The following LARS2 variants were observed in gnomAD, a reference collection of about 807,000 sequenced individuals.
The protein encoded by LARS2 is leucyl-tRNA synthetase 2, mitochondrial, also known as leucine--tRNA ligase, mitochondrial.
Under a neutral mutation model 116.6 loss-of-function variants are expected in LARS2, and 81 were observed. The ratio of observed to expected loss-of-function variants is 0.69; its 90% CI spans 0.58 to 0.84. The LOEUF is 0.84. Among genes scored for constraint, LARS2 ranks in the 40% least tolerant of loss-of-function variants. LARS2 has a pLI of 0.00. For synonymous variants in LARS2, 396 were observed against 407.2 expected, an observed-to-expected ratio of 0.97 and a Z score of 0.33; for missense variants, 968 against 1,114.5, an observed-to-expected ratio of 0.87 and a Z score of 1.87.
At chr3:45,466,741 G>A (rs1053140684) in intron 8 of LARS2, among the ~76,000 whole-genome samples, 3 of 152,024 alleles carry the variant, frequency 2.0e-5, no homozygotes, top group African/African-American at 7.2e-5. Flanking sequence ...ATTTGAGACC[G>A]AATCTCACTC....
chr3:45,396,412 G>A (rs1221910693), intron 3 of LARS2, among the ~76,000 whole-genome samples: 1 of 152,166 alleles, frequency 6.6e-6, no homozygotes, highest in Non-Finnish European at 1.5e-5. Context: ...AATCAAATGA[G>A]AAAATGTGTG....
At chr3:45,425,061 C>T (rs1281119249) in intron 6 of LARS2, among the ~76,000 whole-genome samples, 1 of 152,020 alleles carries the variant, frequency 6.6e-6, no homozygotes, top group Non-Finnish European at 1.5e-5. Context: ...CATTCAGTTC[C>T]CATTTTTTTT....
At chr3:45,511,951 AT>A (rs1233786553) in intron 15 of LARS2, among the ~76,000 whole-genome samples, 1 of 151,564 alleles carries the variant, frequency 6.6e-6, no homozygotes, top group Non-Finnish European at 1.5e-5. Context: ...AACTTTTTGT[AT>A]TTTAGTAGAG....
chr3:45,524,105 G>A lies in LARS2; in HGVS notation c.2401G>A (p.Ala801Thr). 1 of 1,601,172 alleles carries A rather than the reference G, an allele frequency of 6.2e-7. No homozygotes were observed. Among genetic ancestry groups the A allele is most frequent in the Non-Finnish European group, 8.6e-7 (1 of 1,168,166 alleles). ...LAPHVTSEIW[A>T]GLALVPRKLC... ...CCCTCATGTAACCTCAGAGATCTGGGCAGGTACGTGGCAGAGTCCTTTTTT... is the reference window on the plus strand; with the variant it reads ...CCCTCATGTAACCTCAGAGATCTGGACAGGTACGTGGCAGAGTCCTTTTTT... The change falls in exon 20 of 22, where the codon GCA becomes ACA. Residue 801 changes from alanine (A) to threonine (T), a missense_variant. Ala to Thr is a moderately conservative substitution (Grantham distance 58). Coordinates refer to ENST00000645846, the MANE Select transcript of LARS2 (RefSeq NM_015340.4).
rs114332803 is a variant in LARS2 at position 45,520,502 on chromosome 3, C to T, written c.2292+206C>T. 0.013 allele frequency among the ~76,000 whole-genome samples: 2,045 copies of T among 152,244 alleles called. 30 individuals are homozygous for T. The highest frequency in any genetic ancestry group is 0.047 in the African/African-American group (1,945 of 41,532). On this transcript the variant is annotated intron_variant, in intron 19 of 21. Coordinates refer to ENST00000645846, the MANE Select transcript of LARS2 (RefSeq NM_015340.4). ...TTAAAGATTTTCTGGTCCAAACCCC[C>T]TTCTCCCCCAATATTTTACAGATGA...
At chr3:45,522,104 CA>C (rs1255792074) in intron 19 of LARS2, among the ~76,000 whole-genome samples, 14 of 151,720 alleles carry the variant, frequency 9.2e-5, no homozygotes, top group Non-Finnish European at 1.5e-4. Flanking sequence ...GACTCTCTCT[CA>C]AAAAAATAAA....
intron 19 of LARS2, among the ~76,000 whole-genome samples, chr3:45,520,928 C>T (rs1398760420): frequency 1.3e-5 from 2 of 152,200 alleles, no homozygotes; most frequent in African/African-American, 4.8e-5. Context: ...TGGCTCATGC[C>T]TGTAATCTCA....
intron 12 of LARS2, among the ~76,000 whole-genome samples, chr3:45,489,071 T>C (rs533294563): frequency 3.0e-4 from 45 of 152,334 alleles, no homozygotes; most frequent in African/African-American, 1.1e-3. Flanking sequence ...AAAAATTATC[T>C]TTTCTAAGGA....
In LARS2 at chr3:45,491,636, G is replaced by T. The variant is rs1559486128; in HGVS notation, c.1359G>T (p.Arg453=). 4 of 1,614,230 alleles carry T rather than the reference G, an allele frequency of 2.5e-6. No homozygotes were observed. Among genetic ancestry groups the T allele is most frequent in the Non-Finnish European group, 2.5e-6 (3 of 1,180,038 alleles). Residue 453 remains arginine (R), a synonymous_variant, in exon 13 of 22, where the codon CGG becomes CGT. Transcript: ENST00000645846. ...KLKDWLISRQ[R]YWGTPIPIVH... is the part of the protein sequence containing the mutation. ...AAGACTGGCTGATTTCACGGCAGCG[G>T]TACTGGGGCACACCAATCCCCATTG...
In LARS2 at chr3:45,417,474, G is replaced by T; in HGVS notation, c.364-8G>T. ...TGCCATGGTTGATGTTCCTCTTCTG[G>T]GTCCTAGGTCATCAACCCCATGGGA... is the stretch of plus-strand genomic sequence containing the variant. On this transcript the variant is annotated splice_region_variant and splice_polypyrimidine_tract_variant and intron_variant, in intron 4 of 21. Transcript: ENST00000645846. The T allele has an allele frequency of 6.2e-7, 1 of 1,608,686 alleles. No individual in the cohort carries two copies. Among genetic ancestry groups the T allele is most frequent in the Non-Finnish European group, 8.5e-7 (1 of 1,175,278 alleles).
At chr3:45,402,571 C>T (rs1177847090) in intron 4 of LARS2, among the ~76,000 whole-genome samples, 1 of 152,174 alleles carries the variant, frequency 6.6e-6, no homozygotes, top group Non-Finnish European at 1.5e-5. Context: ...GTAAGTACAT[C>T]CATTGTCATA....
chr3:45,543,552 A>G (rs1021829551), intron 21 of LARS2, among the ~76,000 whole-genome samples: 1 of 150,460 alleles, frequency 6.6e-6, no homozygotes, highest in African/African-American at 2.5e-5. Context: ...GCTCACTACA[A>G]CCTCCACTTA....
chr3:45,444,334 G>A (rs554139082), intron 6 of LARS2, among the ~76,000 whole-genome samples: 225 of 120,274 alleles, frequency 1.9e-3, no homozygotes, highest in South Asian at 3.3e-3. Context: ...TTAGGTAAAA[G>A]TGATTTTCAG....
chr3:45,424,272 A>G (rs1698558475), intron 6 of LARS2, among the ~76,000 whole-genome samples: 1 of 152,240 alleles, frequency 6.6e-6, no homozygotes, highest in Non-Finnish European at 1.5e-5. Context: ...ACATAACCTA[A>G]TGAACATAAT....
rs189036986 is a variant in LARS2, at chr3:45,441,303, G to C, written c.517-5588G>C. Among the ~76,000 whole-genome samples, 85 of 152,266 alleles carry C rather than the reference G, an allele frequency of 5.6e-4. 1 individual carries two copies. The highest frequency in any genetic ancestry group is 1.9e-3 in the African/African-American group (81 of 41,546). On this transcript the variant is annotated intron_variant, in intron 6 of 21. Transcript: ENST00000645846. ...GCCTCCCAAAGTGCTGGGATTATAG[G>C]CATGAGCCATTGCACCCGGCCCATC...
chr3:45,444,259 C>T (rs568350601), intron 6 of LARS2, among the ~76,000 whole-genome samples: 18 of 150,280 alleles, frequency 1.2e-4, no homozygotes, highest in Admixed American at 7.3e-4. Flanking sequence ...GTGATCCCCC[C>T]GCCTCAGCCT....
intron 7 of LARS2, among the ~76,000 whole-genome samples, chr3:45,451,892 A>G (rs575100199): frequency 6.6e-6 from 1 of 152,212 alleles, no homozygotes; most frequent in East Asian, 1.9e-4. Context: ...AATGTTTTAT[A>G]GTTTTCCTTA....
intron 11 of LARS2, among the ~76,000 whole-genome samples, chr3:45,487,254 C>T (rs1444873754): frequency 1.3e-5 from 2 of 152,100 alleles, no homozygotes; most frequent in Admixed American, 6.6e-5. Flanking sequence ...CTATGAACAC[C>T]TTTTGGTAGT....
chr3:45,517,822 T>C (rs1700392178), intron 17 of LARS2, 81 bp from the exon 18 acceptor site: 1 of 1,178,954 alleles, frequency 8.5e-7, no homozygotes, highest in African/African-American at 1.5e-5. Flanking sequence ...TTCACAGGTG[T>C]TTTTCTCTGC....
Sources: gnomAD v4.1 joint callset for allele counts (sites outside exome capture counted in the v4.1 genomes callset) on GRCh38, gnomAD v4.1.1 for gene constraint, MANE v1.5 for transcripts, NCBI Gene and HGNC (gene_info 2026-07-23, HGNC 2026-07-21) for gene names.